Variants in L3MBTL4 observed in about 807,000 individuals in gnomAD.
L3MBTL4 encodes L3MBTL histone methyl-lysine binding protein 4.
L3MBTL4 carries 70 observed loss-of-function variants against 84.5 expected under a neutral mutation model. That is an observed-to-expected ratio of 0.83 (90% confidence interval 0.68 to 1.01). The LOEUF (loss-of-function observed/expected upper bound fraction) is 1.01, where lower values mean the gene tolerates loss of function less well. L3MBTL4 is among the 50% of genes least tolerant of loss of function. The pLI is 0.00. For synonymous variants in L3MBTL4, 274 were observed against 259.8 expected, an observed-to-expected ratio of 1.05 and a Z score of -0.52; for missense variants, 715 against 754.8, an observed-to-expected ratio of 0.95 and a Z score of 0.62.
At chr18:6,027,353 A>G (rs903912985) in intron 16 of L3MBTL4, among the ~76,000 whole-genome samples, 2 of 152,208 alleles carry the variant, frequency 1.3e-5, no homozygotes, top group Non-Finnish European at 2.9e-5. Flanking sequence ...TGGTCCCTGC[A>G]AAGGACATGA....
rs570762980 is a variant in L3MBTL4, at chr18:6,186,402, G to A, written c.982-14460C>T. On this transcript the variant is annotated intron_variant, in intron 12 of 18. Coordinates refer to ENST00000317931, the MANE Select transcript of L3MBTL4 (RefSeq NM_001330559.2). ...GGAAGTGAGCAAAGAAGCTCCCCTA[G>A]GAAGGACGCATGGAGCCATGGAGAC... Among the ~76,000 whole-genome samples, 5 of 151,828 alleles carry A rather than the reference G, an allele frequency of 3.3e-5. No individual in the cohort carries two copies. In the East Asian group the frequency reaches 9.7e-4, roughly 29 times the overall value.
Position 6,030,806 on chromosome 18 carries a change from G to A in L3MBTL4, c.1444+50075C>T, listed in dbSNP as rs146856680. 112 of 984,860 alleles carry A rather than the reference G, an allele frequency of 1.1e-4. No individual in the cohort carries two copies. In the African/African-American group the frequency reaches 1.7e-3, roughly 15 times the overall value. 61.0% of individuals were successfully genotyped at this position (984,860 alleles called of 1,614,324 possible). ...TTTCATTGCATTAAAAACGTCTTAC[G>A]ATAATGAAGTAAAACATTTTAAAAC... On this transcript the variant is annotated intron_variant, in intron 16 of 18. Coordinates refer to ENST00000317931, the MANE Select transcript of L3MBTL4 (RefSeq NM_001330559.2).
intron 12 of L3MBTL4, among the ~76,000 whole-genome samples, chr18:6,173,772 C>G (rs1316820567): frequency 1.3e-5 from 2 of 151,996 alleles, no homozygotes; most frequent in Non-Finnish European, 2.9e-5. Flanking sequence ...ACAGCAAGAC[C>G]CTGTCTCAAT....
chr18:6,203,455 C>T (rs2045734500), intron 12 of L3MBTL4, among the ~76,000 whole-genome samples: 1 of 152,166 alleles, frequency 6.6e-6, no homozygotes, highest in Admixed American at 6.5e-5. Flanking sequence ...TTACTTACAA[C>T]ACTGTTGAGG....
At chr18:6,302,047 T>G (rs1599550575) in intron 3 of L3MBTL4, 90 bp from the exon 4 acceptor site, 1 of 1,085,532 alleles carries the variant, frequency 9.2e-7, no homozygotes, top group East Asian at 2.4e-5. Context: ...GGAAGGAAAG[T>G]TATGAAGATC....
chr18:6,375,268 T>C (rs1430285969), intron 1 of L3MBTL4, among the ~76,000 whole-genome samples: 4 of 152,118 alleles, frequency 2.6e-5, no homozygotes, highest in Non-Finnish European at 4.4e-5. Flanking sequence ...CCCCCATTTA[T>C]GGCCCCTCCA....
chr18:6,208,949 C>T (rs1347061323), intron 12 of L3MBTL4, among the ~76,000 whole-genome samples: 1 of 152,170 alleles, frequency 6.6e-6, no homozygotes, highest in Non-Finnish European at 1.5e-5. Flanking sequence ...AAAATCTGAC[C>T]TGACTAGTTT....
chr18:6,170,391 T>C (rs2043909282), intron 13 of L3MBTL4, among the ~76,000 whole-genome samples: 1 of 152,110 alleles, frequency 6.6e-6, no homozygotes, highest in Admixed American at 6.6e-5. Context: ...AGATTCTGTA[T>C]AATTAAGAAA....
intron 10 of L3MBTL4, among the ~76,000 whole-genome samples, chr18:6,230,217 G>T (rs552161733): frequency 5.8e-4 from 88 of 151,986 alleles, no homozygotes; most frequent in African/African-American, 2.1e-3. Context: ...GTAGATTTTC[G>T]ATCTCTCTCC....
intron 1 of L3MBTL4, among the ~76,000 whole-genome samples, chr18:6,326,149 T>A (rs2051704203): frequency 6.6e-6 from 1 of 152,190 alleles, no homozygotes; most frequent in African/African-American, 2.4e-5. Context: ...GGGCATAAGC[T>A]GCGCCCTGGC....
chr18:6,355,141 T>C (rs888882487), intron 1 of L3MBTL4, among the ~76,000 whole-genome samples: 7 of 152,202 alleles, frequency 4.6e-5, no homozygotes, highest in Admixed American at 4.6e-4. Flanking sequence ...ACAACATGGA[T>C]AGAACTGGAA....
chr18:6,268,991 A>G (rs1394266237), intron 4 of L3MBTL4, among the ~76,000 whole-genome samples: 1 of 152,210 alleles, frequency 6.6e-6, no homozygotes, highest in Non-Finnish European at 1.5e-5. Flanking sequence ...TGTAAACAAA[A>G]TCCCTAGCTC....
At chr18:6,398,400 A>G (rs79909780) in intron 1 of L3MBTL4, among the ~76,000 whole-genome samples, 14,507 of 152,148 alleles carry the variant, frequency 0.095, 714 homozygotes, top group Non-Finnish European at 0.11. Flanking sequence ...TACTGTTTGC[A>G]AGCAGGTGCT....
chr18:6,154,724 T>C (rs575756697), intron 13 of L3MBTL4, among the ~76,000 whole-genome samples: 32 of 152,298 alleles, frequency 2.1e-4, no homozygotes, highest in African/African-American at 7.5e-4. Context: ...GACACACTTT[T>C]CAGTAATTGT....
intron 10 of L3MBTL4, among the ~76,000 whole-genome samples, chr18:6,229,317 T>C (rs1435154090): frequency 6.6e-6 from 1 of 152,100 alleles, no homozygotes; most frequent in Admixed American, 6.6e-5. Flanking sequence ...TTTTAAATTG[T>C]GGTTGTTTGG....
intron 14 of L3MBTL4, among the ~76,000 whole-genome samples, chr18:6,135,107 G>C (rs1370720018): frequency 6.6e-6 from 1 of 152,180 alleles, no homozygotes; most frequent in East Asian, 1.9e-4. Context: ...AGCTGCCAAG[G>C]CTTGGGACTT....
At chr18:6,198,259 A>G (rs769372166) in intron 12 of L3MBTL4, among the ~76,000 whole-genome samples, 2 of 152,132 alleles carry the variant, frequency 1.3e-5, no homozygotes, top group African/African-American at 4.8e-5. Context: ...GTGAAGCACT[A>G]TTTTGGCTCC....
intron 1 of L3MBTL4, among the ~76,000 whole-genome samples, chr18:6,349,645 A>G (rs2053084540): frequency 6.6e-6 from 1 of 152,132 alleles, no homozygotes; most frequent in Non-Finnish European, 1.5e-5. Context: ...ACTTGAGCTC[A>G]GGGGATTGAG....
chr18:6,143,838 C>A (rs1462804421), intron 13 of L3MBTL4, among the ~76,000 whole-genome samples: 1 of 144,962 alleles, frequency 6.9e-6, no homozygotes, highest in Admixed American at 6.7e-5. Flanking sequence ...CTATTATCTG[C>A]CAGAACAGCG....
Sources: allele counts gnomAD v4.1 joint callset (sites outside exome capture counted in the v4.1 genomes callset), GRCh38; gene constraint gnomAD v4.1.1; transcripts MANE v1.5; gene names NCBI Gene and HGNC (gene_info 2026-07-23, HGNC 2026-07-21).